The following TMBIM4 variants were observed in gnomAD, a reference collection of about 807,000 sequenced individuals.
TMBIM4 encodes the protein protein lifeguard 4.
A neutral mutation model predicts 27.7 loss-of-function variants in TMBIM4; 28 were observed. The ratio of observed to expected loss-of-function variants is 1.01; its 90% CI spans 0.75 to 1.38. The LOEUF is 1.38. Ranked by LOEUF, TMBIM4 falls within the 40% of genes most tolerant of loss-of-function variation. The probability of loss-of-function intolerance (pLI) is 0.00; values close to 1 mark genes in which losing one functional copy is unlikely to be tolerated. For synonymous variants in TMBIM4, 115 were observed against 113.1 expected, an observed-to-expected ratio of 1.02 and a Z score of -0.11; for missense variants, 265 against 277.5, an observed-to-expected ratio of 0.95 and a Z score of 0.32.
chr12:66,169,887 C>T lies in TMBIM4; in HGVS notation c.65G>A (p.Ser22Asn). The T allele has an allele frequency of 6.7e-7, 1 of 1,503,552 alleles. No homozygotes were observed. 93.1% of individuals were successfully genotyped at this position (1,503,552 alleles called of 1,614,324 possible). A position where few individuals can be genotyped will look rare whatever the true frequency, so the allele number is the denominator to read the frequency against. ...GATGTGCACGGTGGCGGAGGCCACG[C>T]TGCTGCCATAGTTGAAGTCGTCCTC... Reference protein sequence around the residue: ...SIEDDFNYGSSVASATVHIRM... With the variant: ...SIEDDFNYGSNVASATVHIRM... Residue 22 changes from serine to asparagine, a missense_variant, in exon 1 of 7, where the codon AGC becomes AAC. Transcript: ENST00000358230.
chr12:66,154,403 C>T (rs1200707727), intron 1 of TMBIM4, among the ~76,000 whole-genome samples: 4 of 152,212 alleles, frequency 2.6e-5, no homozygotes, highest in Non-Finnish European at 5.9e-5. Flanking sequence ...TCCTTACCCC[C>T]ACCACTCAGC....
Position 66,137,497 on chromosome 12 carries a change from G to A in TMBIM4, c.*463C>T, listed in dbSNP as rs1287415487. On this transcript the variant is annotated 3_prime_UTR_variant, in exon 7 of 7. Coordinates refer to ENST00000358230, the MANE Select transcript of TMBIM4 (RefSeq NM_016056.4). Reference sequence around the variant, plus strand: ...TGCAACCTCCACCTCCCAGGTTCAAGCGATTCTCTGGCCTCAGCCTCTTGA... The same window carrying A: ...TGCAACCTCCACCTCCCAGGTTCAAACGATTCTCTGGCCTCAGCCTCTTGA... 6.4e-6 allele frequency: 1 copy of A among 156,272 alleles called. No individual in the cohort carries two copies. The highest frequency in any genetic ancestry group is 1.4e-5 in the Non-Finnish European group (1 of 70,928). The allele number at this position is 156,272 out of a possible 1,614,324, so 9.7% of individuals were successfully genotyped here. A position where few individuals can be genotyped will look rare whatever the true frequency, so the allele number is the denominator to read the frequency against.
chr12:66,149,380 G>C (rs2051804479), intron 3 of TMBIM4, among the ~76,000 whole-genome samples: 1 of 150,174 alleles, frequency 6.7e-6, no homozygotes, highest in Admixed American at 6.6e-5. Flanking sequence ...AGGAGGCAGA[G>C]GTTGCAGTGA....
intron 1 of TMBIM4, among the ~76,000 whole-genome samples, chr12:66,161,892 C>T (rs1341938357): frequency 6.6e-6 from 1 of 152,170 alleles, no homozygotes; most frequent in Non-Finnish European, 1.5e-5. Flanking sequence ...TTGCTTGACC[C>T]TTAAAACCAC....
chr12:66,163,874 C>T (rs1312906757), intron 1 of TMBIM4, among the ~76,000 whole-genome samples: 1 of 152,190 alleles, frequency 6.6e-6, no homozygotes, highest in African/African-American at 2.4e-5. Context: ...GCCAAAGACA[C>T]TACAAGAAAA....
intron 1 of TMBIM4, among the ~76,000 whole-genome samples, chr12:66,165,442 C>T (rs1364962516): frequency 1.5e-4 from 22 of 142,746 alleles, no homozygotes; most frequent in South Asian, 6.8e-4. Flanking sequence ...TTTTCAGACA[C>T]GGTCTCCCTC....
At chr12:66,160,622 A>G (rs2052019075) in intron 1 of TMBIM4, among the ~76,000 whole-genome samples, 2 of 152,252 alleles carry the variant, frequency 1.3e-5, no homozygotes, top group South Asian at 2.1e-4. Flanking sequence ...TGCTCAAGTA[A>G]GAGACTATAT....
intron 3 of TMBIM4, among the ~76,000 whole-genome samples, chr12:66,148,604 C>T (rs543884775): frequency 6.6e-6 from 1 of 152,248 alleles, no homozygotes; most frequent in East Asian, 1.9e-4. Flanking sequence ...TACTCTGTGG[C>T]TATGGAAGTG....
intron 3 of TMBIM4, among the ~76,000 whole-genome samples, chr12:66,148,744 T>G (rs1327750335): frequency 6.6e-6 from 1 of 152,218 alleles, no homozygotes; most frequent in Non-Finnish European, 1.5e-5. Flanking sequence ...TAAACTATCT[T>G]GTTTAAGCCA....
At chr12:66,169,543 G>T in intron 1 of TMBIM4, 1 of 478,724 alleles carries the variant, frequency 2.1e-6, no homozygotes. Flanking sequence ...CCAAATTCAG[G>T]CTGCGGCGGT....
intron 1 of TMBIM4, among the ~76,000 whole-genome samples, chr12:66,158,217 C>T (rs1330791656): frequency 7.9e-6 from 1 of 126,034 alleles, no homozygotes; most frequent in African/African-American, 3.2e-5. Context: ...CAGAGTGAGA[C>T]TCCGTCTCAC....
At chr12:66,145,567 A>G (rs2136853820) in intron 5 of TMBIM4, among the ~76,000 whole-genome samples, 1 of 152,126 alleles carries the variant, frequency 6.6e-6, no homozygotes, top group Admixed American at 6.5e-5. Context: ...TAATGTTAAT[A>G]AAGCATACAA....
rs771421168 is a variant in TMBIM4, at chr12:66,159,958, CAT to C, written c.98-6512_98-6511del. Among the ~76,000 whole-genome samples the C allele has an allele frequency of 5.3e-5, 8 of 152,366 alleles. No individual in the cohort carries two copies. The East Asian group carries it at 5.8e-4, about 11-fold the overall frequency. On this transcript the variant is annotated intron_variant, in intron 1 of 6. Transcript: ENST00000358230. ...TAGCTAAAAGACATAGAAATTAACA[CAT>C]GATTACATTTTTTACCAACCACAAG...
chr12:66,161,037 G>C (rs1462657489), intron 1 of TMBIM4: 1 of 152,176 alleles, frequency 6.6e-6, no homozygotes, highest in Non-Finnish European at 1.5e-5. Flanking sequence ...ATCCCAGTCA[G>C]TTGGACGGCC....
In TMBIM4 at chr12:66,169,976, C is replaced by T. The variant is rs1276100529; in HGVS notation, c.-25G>A. 1.4e-6 allele frequency: 2 copies of T among 1,454,842 alleles called. No homozygotes were observed. The highest frequency in any genetic ancestry group is 1.8e-6 in the Non-Finnish European group (2 of 1,097,738). 90.1% of individuals were successfully genotyped at this position (1,454,842 alleles called of 1,614,324 possible). A position where few individuals can be genotyped will look rare whatever the true frequency, so the allele number is the denominator to read the frequency against. ...TGATGGCAACAGCACCCCTACCGGT[C>T]CCGGTCCACTAACCGCAACCGCCTC... is the stretch of plus-strand genomic sequence containing the variant. On this transcript the variant is annotated 5_prime_UTR_variant, in exon 1 of 7. Coordinates refer to ENST00000358230, the MANE Select transcript of TMBIM4 (RefSeq NM_016056.4).
Position 66,169,891 on chromosome 12 carries a change from T to C in TMBIM4, c.61A>G (p.Ser21Gly). 1.3e-6 allele frequency: 2 copies of C among 1,502,430 alleles called. No individual in the cohort carries two copies. Among genetic ancestry groups the C allele is most frequent in the Non-Finnish European group, 1.8e-6 (2 of 1,127,878 alleles). The allele number at this position is 1,502,430 out of a possible 1,614,324, so 93.1% of individuals were successfully genotyped here. Reference protein sequence around the residue: ...SSIEDDFNYGSSVASATVHIR... With the variant: ...SSIEDDFNYGGSVASATVHIR... ...TGCACGGTGGCGGAGGCCACGCTGC[T>C]GCCATAGTTGAAGTCGTCCTCGATC... The change falls in exon 1 of 7, where the codon AGC becomes GGC. Residue 21 changes from serine (S) to glycine (G), a missense_variant. Coordinates refer to ENST00000358230, the MANE Select transcript of TMBIM4 (RefSeq NM_016056.4).
At chr12:66,166,233 G>A (rs914939630) in intron 1 of TMBIM4, among the ~76,000 whole-genome samples, 17 of 152,146 alleles carry the variant, frequency 1.1e-4, no homozygotes, top group African/African-American at 3.4e-4. Flanking sequence ...CGGAGGCCAA[G>A]GTGGGTGGAT....
At chr12:66,155,357 A>AGAGAGAGAGAGAGAGAGAGAGAGAGAGG (rs2051916701) in intron 1 of TMBIM4, among the ~76,000 whole-genome samples, 1 of 149,446 alleles carries the variant, frequency 6.7e-6, no homozygotes, top group Admixed American at 6.6e-5. Flanking sequence ...AGAGAGAGAG[A>AGAGAGAGAGAGAGAGAGAGAGAGAGAGG]GAGGCAGGGT....
At chr12:66,146,128 C>A (rs559446230) in intron 4 of TMBIM4, among the ~76,000 whole-genome samples, 170 bp from the exon 5 acceptor site, 2 of 152,118 alleles carry the variant, frequency 1.3e-5, no homozygotes, top group African/African-American at 4.8e-5. Flanking sequence ...TGAAACCACA[C>A]CCATAATGCA....
Sources: gnomAD v4.1 joint callset for allele counts (sites outside exome capture counted in the v4.1 genomes callset) on GRCh38, gnomAD v4.1.1 for gene constraint, MANE v1.5 for transcripts, NCBI Gene and HGNC (gene_info 2026-07-23, HGNC 2026-07-21) for gene names.